The following DCHS2 variants were observed in gnomAD, a reference collection of about 807,000 sequenced individuals.
DCHS2 encodes the protein protocadherin-23.
In DCHS2, 142 loss-of-function variants were observed where a neutral mutation model predicts 182.4. The ratio of observed to expected loss-of-function variants is 0.78; its 90% CI spans 0.68 to 0.89. The LOEUF (loss-of-function observed/expected upper bound fraction) is 0.89, where lower values mean the gene tolerates loss of function less well. Ranked by LOEUF, DCHS2 falls within the 40% of genes least tolerant of loss-of-function variation. The pLI, the probability that DCHS2 is intolerant of heterozygous loss-of-function variation, is 0.00. For missense variants in DCHS2, 4,319 were observed against 4,198.6 expected (o/e 1.03, Z -0.79); for synonymous variants, 1,740 against 1,663.3 (o/e 1.05, Z -1.12).
At chr4:154,423,757 T>C (rs1005808445) in intron 1 of DCHS2, among the ~76,000 whole-genome samples, 2 of 152,228 alleles carry the variant, frequency 1.3e-5, no homozygotes, top group African/African-American at 4.8e-5. Flanking sequence ...TATATGCATA[T>C]GTTAAAATGC....
chr4:154,236,967 G>C lies in DCHS2; in HGVS notation c.7685C>G (p.Ala2562Gly), dbSNP rs199614677. The change falls in exon 20 of 20, where the codon GCT becomes GGT. Residue 2562 changes from alanine (A) to glycine (G), a missense_variant. Ala to Gly is a moderately conservative substitution (Grantham distance 60). Transcript: ENST00000357232. ...KSYNLSLSED[A>G]LVGSTLVTFS... Reference sequence around the variant, plus strand: ...TGTAACAAGCGTGCTTCCAACCAGAGCATCCTCACTTAGGCTAAGATTATA... The same window carrying C: ...TGTAACAAGCGTGCTTCCAACCAGACCATCCTCACTTAGGCTAAGATTATA... The C allele has an allele frequency of 4.0e-5, 64 of 1,614,022 alleles. No homozygotes were observed. The East Asian group carries it at 1.4e-3, about 34-fold the overall frequency.
At chr4:154,261,357 C>A (rs532716712) in intron 14 of DCHS2, among the ~76,000 whole-genome samples, 5 of 152,154 alleles carry the variant, frequency 3.3e-5, no homozygotes, top group African/African-American at 1.2e-4. Flanking sequence ...ATGTGTTACT[C>A]GTGTTTGTCT....
At chr4:154,472,655 G>C (rs1735520402) in intron 1 of DCHS2, among the ~76,000 whole-genome samples, 1 of 152,034 alleles carries the variant, frequency 6.6e-6, no homozygotes, top group South Asian at 2.1e-4. Flanking sequence ...ATTTTTTAAT[G>C]AACTGCTAAC....
At chr4:154,303,069 C>A (rs1304088917) in intron 12 of DCHS2, among the ~76,000 whole-genome samples, 1 of 150,462 alleles carries the variant, frequency 6.6e-6, no homozygotes, top group African/African-American at 2.4e-5. Flanking sequence ...GCAACCTCTG[C>A]CTCCTAAGTT....
Position 154,406,177 on chromosome 4 carries a change from G to C in DCHS2, c.2053-28733C>G, listed in dbSNP as rs562695991. Among the ~76,000 whole-genome samples the C allele has an allele frequency of 3.9e-5, 6 of 152,350 alleles. No homozygotes were observed. In the South Asian group the frequency reaches 1.2e-3, roughly 32 times the overall value. On this transcript the variant is annotated intron_variant, in intron 1 of 19. Coordinates refer to ENST00000357232, the MANE Select transcript of DCHS2 (RefSeq NM_001358235.2). ...CTGGGCCAGCATATGCACAGCCCAG[G>C]CCTAGGCCATGGTCCTATGGTAAAC...
intron 3 of DCHS2, among the ~76,000 whole-genome samples, chr4:154,343,876 A>G (rs892697637): frequency 6.6e-6 from 1 of 152,202 alleles, no homozygotes; most frequent in African/African-American, 2.4e-5. Context: ...CTTTTGGCTT[A>G]TCTGCACTTT....
In DCHS2 at chr4:154,333,185, C is replaced by A. The variant is rs765003508; in HGVS notation, c.3023G>T (p.Ser1008Ile). The A allele has an allele frequency of 1.9e-6, 3 of 1,614,242 alleles. No individual in the cohort carries two copies. The highest frequency in any genetic ancestry group is 2.5e-6 in the Non-Finnish European group (3 of 1,180,048). Reference sequence around the variant, plus strand: ...GTACCGGATGAGTCCGTTCCGCCCACTGTCTCTGTCTTCCGCACGTGCGAG... The same window carrying A: ...GTACCGGATGAGTCCGTTCCGCCCAATGTCTCTGTCTTCCGCACGTGCGAG... ...LYLARAEDRD[S>I]GRNGLIRYSI... The change falls in exon 5 of 20, where the codon AGT becomes ATT. Residue 1008 changes from serine to isoleucine, a missense_variant. Transcript: ENST00000357232.
chr4:154,255,680 A>G lies in DCHS2; in HGVS notation c.6790-10T>C. The G allele has an allele frequency of 6.2e-7, 1 of 1,610,798 alleles. No individual in the cohort carries two copies. The highest frequency in any genetic ancestry group is 8.5e-7 in the Non-Finnish European group (1 of 1,178,562). On this transcript the variant is annotated splice_polypyrimidine_tract_variant and intron_variant, in intron 15 of 19. Transcript: ENST00000357232. Reference sequence around the variant, plus strand: ...AGTCGGTAGCAAAAACCTGTGAGGAACCGACTGTTTCATTAGATAAGATTT... The same window carrying G: ...AGTCGGTAGCAAAAACCTGTGAGGAGCCGACTGTTTCATTAGATAAGATTT...
intron 14 of DCHS2, among the ~76,000 whole-genome samples, chr4:154,267,714 C>G (rs1476725479): frequency 7.0e-6 from 1 of 142,162 alleles, no homozygotes; most frequent in Non-Finnish European, 1.6e-5. Flanking sequence ...CTTCCCGAAG[C>G]CTAGCTTTAC....
At chr4:154,482,730 G>A (rs1430639573) in intron 1 of DCHS2, among the ~76,000 whole-genome samples, 4 of 152,196 alleles carry the variant, frequency 2.6e-5, no homozygotes, top group Non-Finnish European at 4.4e-5. Flanking sequence ...TTGTTGGATG[G>A]ATGGATAGAT....
chr4:154,321,566 A>G (rs1267725243), intron 8 of DCHS2, among the ~76,000 whole-genome samples: 1 of 152,198 alleles, frequency 6.6e-6, no homozygotes, highest in Non-Finnish European at 1.5e-5. Flanking sequence ...TATTTTAAAT[A>G]CTACAGACTG....
At chr4:154,401,046 G>A (rs78686856) in intron 1 of DCHS2, among the ~76,000 whole-genome samples, 1,568 of 152,224 alleles carry the variant, frequency 0.01, 21 homozygotes, top group African/African-American at 0.034. Context: ...AGCCCAGAAG[G>A]CTTCCTTGTT....
chr4:154,393,320 C>T (rs949070609), intron 1 of DCHS2, among the ~76,000 whole-genome samples: 15 of 152,148 alleles, frequency 9.9e-5, no homozygotes, highest in Admixed American at 3.3e-4. Context: ...TCACATGGCT[C>T]TTCAACTAAT....
At chr4:154,291,243 T>G (rs1482618565) in intron 13 of DCHS2, among the ~76,000 whole-genome samples, 1 of 151,932 alleles carries the variant, frequency 6.6e-6, no homozygotes, top group Non-Finnish European at 1.5e-5. Context: ...CAGTGAAATA[T>G]CATCTCATCT....
rs137879435 is a variant in DCHS2 at position 154,386,890 on chromosome 4, T to C, written c.2053-9446A>G. On this transcript the variant is annotated intron_variant, in intron 1 of 19. Coordinates refer to ENST00000357232, the MANE Select transcript of DCHS2 (RefSeq NM_001358235.2). ...TAATATTTTTACTCATAAAACACTA[T>C]CTATTAACGAAGCTATATTATCATA... Among the ~76,000 whole-genome samples, 1,408 of 152,264 alleles carry C rather than the reference T, an allele frequency of 9.2e-3. 15 individuals carry two copies. Among genetic ancestry groups the C allele is most frequent in the Non-Finnish European group, 0.011 (718 of 68,010 alleles).
chr4:154,430,842 G>A (rs957254523), intron 1 of DCHS2, among the ~76,000 whole-genome samples: 2 of 152,194 alleles, frequency 1.3e-5, no homozygotes, highest in South Asian at 4.1e-4. Flanking sequence ...CCTACCCTGT[G>A]GCCCTGCAGA....
chr4:154,402,704 A>G (rs1455163721), intron 1 of DCHS2, among the ~76,000 whole-genome samples: 2 of 152,182 alleles, frequency 1.3e-5, no homozygotes, highest in East Asian at 3.9e-4. Context: ...AGTTAATGCT[A>G]GAATAAGTTA....
At chr4:154,272,929 C>T (rs545714058) in intron 13 of DCHS2, among the ~76,000 whole-genome samples, 3 of 152,070 alleles carry the variant, frequency 2.0e-5, no homozygotes. Flanking sequence ...TGGTCCTTGG[C>T]CTCCTGTTTA....
chr4:154,446,711 G>A (rs549713881), intron 1 of DCHS2, among the ~76,000 whole-genome samples: 78 of 152,156 alleles, frequency 5.1e-4, no homozygotes, highest in African/African-American at 1.8e-3. Flanking sequence ...GACCTACAAT[G>A]CTGCCTCTCC....
Sources: gnomAD v4.1 joint callset for allele counts (sites outside exome capture counted in the v4.1 genomes callset) on GRCh38, gnomAD v4.1.1 for gene constraint, MANE v1.5 for transcripts, NCBI Gene and HGNC (gene_info 2026-07-23, HGNC 2026-07-21) for gene names.